STON2: variants seen among roughly 807,000 people sequenced by gnomAD.
STON2 encodes the protein stonin-2.
A neutral mutation model predicts 65.7 loss-of-function variants in STON2; 29 were observed. That is an observed-to-expected ratio of 0.44 (90% CI 0.33 to 0.60). The LOEUF (loss-of-function observed/expected upper bound fraction) is 0.60, where lower values mean the gene tolerates loss of function less well. STON2 is among the 20% of genes least tolerant of loss of function. The probability of loss-of-function intolerance (pLI) is 0.03; values close to 1 mark genes in which losing one functional copy is unlikely to be tolerated. For synonymous variants in STON2, 404 were observed against 414.2 expected, an observed-to-expected ratio of 0.98 and a Z score of 0.30; for missense variants, 1,054 against 1,118.1, an observed-to-expected ratio of 0.94 and a Z score of 0.82.
At chr14:81,280,821 G>A (rs1895082514) in intron 5 of STON2, among the ~76,000 whole-genome samples, 1 of 152,032 alleles carries the variant, frequency 6.6e-6, no homozygotes, top group African/African-American at 2.4e-5. Context: ...GACCAGCCTG[G>A]CAAAAATGGT....
At position 81,288,444 on chromosome 14, in the gene STON2, A is replaced by G. The variant is rs146504286; in HGVS notation, c.743-9705T>C. Among the ~76,000 whole-genome samples, 1,279 of 152,362 alleles carry G rather than the reference A, an allele frequency of 8.4e-3. 23 individuals are homozygous for G. Among genetic ancestry groups the G allele is most frequent in the African/African-American group, 0.029 (1,202 of 41,576 alleles). ...TATTGCTCCTAAGCTACAAACGTGT[A>G]CAGCATGTTACTGTACTGAATACTG... is the stretch of plus-strand genomic sequence containing the variant. On this transcript the variant is annotated intron_variant, in intron 5 of 7. Coordinates refer to ENST00000614646, the MANE Select transcript of STON2 (RefSeq NM_001394390.1).
chr14:81,408,289 A>G (rs1314705499), intron 2 of STON2, among the ~76,000 whole-genome samples: 1 of 152,166 alleles, frequency 6.6e-6, no homozygotes, highest in Non-Finnish European at 1.5e-5. Context: ...TAAATATTTT[A>G]TTTTAAAAAA....
intron 5 of STON2, among the ~76,000 whole-genome samples, chr14:81,306,907 T>C (rs1896205719): frequency 1.3e-5 from 2 of 152,242 alleles, no homozygotes; most frequent in Non-Finnish European, 1.5e-5. Flanking sequence ...CTATCTTTTT[T>C]AGTTGGCACT....
chr14:81,319,963 CTA>C (rs1896764019), intron 5 of STON2, among the ~76,000 whole-genome samples: 1 of 152,300 alleles, frequency 6.6e-6, no homozygotes, highest in African/African-American at 2.4e-5. Context: ...GTATAACAAA[CTA>C]TTCCAAAACT....
intron 4 of STON2, among the ~76,000 whole-genome samples, chr14:81,347,016 C>T (rs1897834189): frequency 6.6e-6 from 1 of 151,540 alleles, no homozygotes; most frequent in Non-Finnish European, 1.5e-5. Context: ...AAAACAAGGA[C>T]AAACCAAACT....
chr14:81,290,529 T>G (rs184825195), intron 5 of STON2, among the ~76,000 whole-genome samples: 17 of 152,244 alleles, frequency 1.1e-4, no homozygotes, highest in Non-Finnish European at 8.8e-5. Flanking sequence ...ACCTTTGTTG[T>G]GCTATATCAT....
chr14:81,306,662 G>A (rs975505104), intron 5 of STON2: 82 of 152,116 alleles, frequency 5.4e-4, no homozygotes, highest in African/African-American at 1.9e-3. Flanking sequence ...ATCCTTTCAC[G>A]ACTGCAGGAT....
At chr14:81,292,597 G>A (rs1454972226) in intron 5 of STON2, among the ~76,000 whole-genome samples, 2 of 152,162 alleles carry the variant, frequency 1.3e-5, no homozygotes, top group Non-Finnish European at 2.9e-5. Flanking sequence ...ATGTGAAGAA[G>A]GATGTGTTTG....
intron 5 of STON2, among the ~76,000 whole-genome samples, chr14:81,322,218 G>A (rs977784580): frequency 1.3e-5 from 2 of 152,166 alleles, no homozygotes; most frequent in Non-Finnish European, 2.9e-5. Flanking sequence ...CACTGATTCT[G>A]GGAGAGAAGC....
At chr14:81,293,206 G>C (rs1329470409) in intron 5 of STON2, among the ~76,000 whole-genome samples, 2 of 143,122 alleles carry the variant, frequency 1.4e-5, no homozygotes, top group African/African-American at 5.2e-5. Context: ...ATGGAGTCTC[G>C]CTCCGTCATC....
At chr14:81,332,907 A>G in intron 4 of STON2, 1 of 245,330 alleles carries the variant, frequency 4.1e-6, no homozygotes, top group Non-Finnish European at 7.9e-6. Flanking sequence ...CATCATTGCA[A>G]CACCTTTACC....
chr14:81,429,202 AAT>A (rs1325151821), intron 1 of STON2, among the ~76,000 whole-genome samples: 1 of 152,220 alleles, frequency 6.6e-6, no homozygotes, highest in East Asian at 1.9e-4. Flanking sequence ...GTGTCATCTT[AAT>A]GTCATTCTTA....
At position 81,264,818 on chromosome 14, in the gene STON2, T is replaced by C; in HGVS notation, c.*3596A>G. The stretch of plus-strand genomic sequence containing the variant: ...TTTTGATAAGGAATAACTAGTACTA[T>C]GTCTGCAAGAGCAGGCAAGGGGGAT... On this transcript the variant is annotated 3_prime_UTR_variant, in exon 8 of 8. Transcript: ENST00000614646. 1 of 985,398 alleles carries C rather than the reference T, an allele frequency of 1.0e-6. No individual in the cohort carries two copies. Among genetic ancestry groups the C allele is most frequent in the Non-Finnish European group, 1.2e-6 (1 of 829,902 alleles). 61.0% of individuals were successfully genotyped at this position (985,398 alleles called of 1,614,324 possible).
intron 3 of STON2, among the ~76,000 whole-genome samples, chr14:81,378,420 T>A (rs891647550): frequency 6.6e-6 from 1 of 151,892 alleles, no homozygotes; most frequent in African/African-American, 2.4e-5. Flanking sequence ...TTCACTATGT[T>A]TCCCGGGCTG....
chr14:81,312,712 T>C (rs1249261331), intron 5 of STON2, among the ~76,000 whole-genome samples: 1 of 152,248 alleles, frequency 6.6e-6, no homozygotes. Context: ...ATGTAATGGC[T>C]AGCTCTGGTT....
intron 5 of STON2, among the ~76,000 whole-genome samples, chr14:81,307,932 G>A (rs1055778821): frequency 6.6e-6 from 1 of 152,200 alleles, no homozygotes; most frequent in African/African-American, 2.4e-5. Context: ...CAAGTTATAT[G>A]TGGATTTTCT....
chr14:81,281,699 T>A (rs1895129228), intron 5 of STON2, among the ~76,000 whole-genome samples: 1 of 152,226 alleles, frequency 6.6e-6, no homozygotes, highest in African/African-American at 2.4e-5. Context: ...CCTTTGTCCC[T>A]ACTGAAGATC....
chr14:81,371,801 T>C (rs1324800304), intron 3 of STON2, among the ~76,000 whole-genome samples: 2 of 152,166 alleles, frequency 1.3e-5, no homozygotes, highest in Admixed American at 6.5e-5. Context: ...AGATTTCAGC[T>C]TTTTTCAAAC....
At chr14:81,358,462 A>G (rs191452827) in intron 4 of STON2, among the ~76,000 whole-genome samples, 55 of 152,336 alleles carry the variant, frequency 3.6e-4, no homozygotes, top group Non-Finnish European at 7.5e-4. Context: ...TAAAATCACA[A>G]ATGAAGTCAG....
Sources: gnomAD v4.1 joint callset for allele counts (sites outside exome capture counted in the v4.1 genomes callset) on GRCh38, gnomAD v4.1.1 for gene constraint, MANE v1.5 for transcripts, NCBI Gene and HGNC (gene_info 2026-07-23, HGNC 2026-07-21) for gene names.